The following USO1 variants were observed in gnomAD, a reference collection of about 807,000 sequenced individuals.
USO1 encodes general vesicular transport factor p115.
A neutral mutation model predicts 124.5 loss-of-function variants in USO1; 57 were observed. The ratio of observed to expected loss-of-function variants is 0.46; its 90% CI spans 0.37 to 0.57. USO1 has a LOEUF of 0.57. Ranked by LOEUF, USO1 falls within the 20% of genes least tolerant of loss-of-function variation. The probability of loss-of-function intolerance (pLI) is 0.00; values close to 1 mark genes in which losing one functional copy is unlikely to be tolerated. For synonymous variants in USO1, 369 were observed against 362.8 expected, an observed-to-expected ratio of 1.02 and a Z score of -0.19; for missense variants, 900 against 1,040.6, an observed-to-expected ratio of 0.86 and a Z score of 1.86.
In USO1 at chr4:75,793,888, A is replaced by G. The variant is rs376879616; in HGVS notation, c.1439A>G (p.Asn480Ser). 30 of 1,613,966 alleles carry G rather than the reference A, an allele frequency of 1.9e-5. No individual in the cohort carries two copies. Among genetic ancestry groups the G allele is most frequent in the Admixed American group, 1.3e-4 (8 of 60,028 alleles). The change falls in exon 13 of 24, where the codon AAT becomes AGT. Residue 480 changes from asparagine (N) to serine (S), a missense_variant. Around this residue, in one of 2 missense-constraint regions of USO1, gnomAD observed 538 missense variants for 681.6 expected, o/e 0.79. Transcript: ENST00000514213. Reference protein sequence around the residue: ...PPVSLLQQCTNILSQGSKIQT... With the variant: ...PPVSLLQQCTSILSQGSKIQT... Reference sequence around the variant, plus strand: ...GTTTCTTTACTTCAACAGTGCACCAATATTCTTTCACAGGTAAAGTTTTGC... The same window carrying G: ...GTTTCTTTACTTCAACAGTGCACCAGTATTCTTTCACAGGTAAAGTTTTGC...
chr4:75,810,622 G>T, intron 22 of USO1, 83 bp downstream of exon 22: 1 of 1,376,674 alleles, frequency 7.3e-7, no homozygotes, highest in Non-Finnish European at 9.6e-7. Context: ...CAAATTCTTA[G>T]ATTTATGAAG....
At position 75,774,788 on chromosome 4, in the gene USO1, G is replaced by A; in HGVS notation, c.668G>A (p.Ser223Asn). The change falls in exon 8 of 24, where the codon AGT (serine) becomes AAT (asparagine). Residue 223 changes from serine (S) to asparagine (N), a missense_variant. Transcript: ENST00000514213. ...GACATTATTTCAGAGGAGGGGAACA[G>A]TGATGGAGGTATAGTATGAAGAAAT... ...LLDIISEEGN[S>N]DGGIVVEDCL... is the part of the protein sequence containing the mutation. The A allele has an allele frequency of 6.2e-7, 1 of 1,613,452 alleles. No homozygotes were observed. The highest frequency in any genetic ancestry group is 8.5e-7 in the Non-Finnish European group (1 of 1,179,620).
chr4:75,724,789 G>A lies in USO1; in HGVS notation c.-31G>A. ...AAGTTGTCTTCTTTTTTTTCCGGAG[G>A]GGCCGGTAAACCTGGTGGCTGAACG... On this transcript the variant is annotated 5_prime_UTR_variant, in exon 1 of 24. Transcript: ENST00000514213. 6.2e-7 allele frequency: 1 copy of A among 1,612,326 alleles called. No individual in the cohort carries two copies. The highest frequency in any genetic ancestry group is 8.5e-7 in the Non-Finnish European group (1 of 1,178,972).
intron 1 of USO1, among the ~76,000 whole-genome samples, chr4:75,733,502 A>G (rs536003831): frequency 3.7e-4 from 57 of 152,230 alleles, no homozygotes; most frequent in Non-Finnish European, 7.5e-4. Context: ...TTGTCTTTTT[A>G]ATAATAGTCA....
intron 4 of USO1, among the ~76,000 whole-genome samples, chr4:75,768,495 C>T (rs560722145): frequency 1.3e-5 from 2 of 152,358 alleles, no homozygotes; most frequent in Non-Finnish European, 2.9e-5. Context: ...TTTTATCCTG[C>T]AACTTTCTAA....
At chr4:75,763,557 A>T (rs1309692860) in intron 4 of USO1, among the ~76,000 whole-genome samples, 3 of 152,162 alleles carry the variant, frequency 2.0e-5, no homozygotes, top group African/African-American at 7.2e-5. Flanking sequence ...ACCCCATTGT[A>T]AATTGAGGAG....
At chr4:75,729,087 C>T (rs947494074) in intron 1 of USO1, among the ~76,000 whole-genome samples, 1 of 152,136 alleles carries the variant, frequency 6.6e-6, no homozygotes, top group East Asian at 1.9e-4. Flanking sequence ...TGAGCCACGG[C>T]ACCTGGCCCC....
At chr4:75,751,266 C>T (rs1281930883) in intron 1 of USO1, among the ~76,000 whole-genome samples, 1 of 150,552 alleles carries the variant, frequency 6.6e-6, no homozygotes, top group Non-Finnish European at 1.5e-5. Flanking sequence ...GGCTGGAGTG[C>T]AGTGGTGCAA....
intron 1 of USO1, among the ~76,000 whole-genome samples, chr4:75,727,358 G>A (rs539445125): frequency 6.6e-6 from 1 of 152,246 alleles, no homozygotes; most frequent in South Asian, 2.1e-4. Flanking sequence ...TAAACTGAAA[G>A]GGTCCTTTCT....
intron 4 of USO1, 95 bp downstream of exon 4, chr4:75,757,668 A>G: frequency 8.5e-7 from 1 of 1,172,700 alleles, no homozygotes; most frequent in Non-Finnish European, 1.1e-6. Flanking sequence ...TGTTTTATAA[A>G]TGTATAAGTT....
At chr4:75,794,988 T>G (rs1157463839) in intron 13 of USO1, among the ~76,000 whole-genome samples, 1 of 152,204 alleles carries the variant, frequency 6.6e-6, no homozygotes, top group Admixed American at 6.5e-5. Flanking sequence ...AGTTTTATTT[T>G]AAAGCCAAAC....
In USO1 at chr4:75,770,865, C is replaced by G; in HGVS notation, c.440C>G (p.Thr147Ser). 8 of 1,613,746 alleles carry G rather than the reference C, an allele frequency of 5.0e-6. No individual in the cohort carries two copies. The highest frequency in any genetic ancestry group is 6.8e-6 in the Non-Finnish European group (8 of 1,179,772). ...CGCTGGCCTGGTGTGAAGCTTCTTA[C>G]TTCTCTTTTAAAACAACTAGGGCCT... ...HVRWPGVKLLTSLLKQLGPQV... is the reference protein window; with the variant it reads ...HVRWPGVKLLSSLLKQLGPQV... The change falls in exon 6 of 24, where the codon ACT becomes AGT. Residue 147 changes from threonine (T) to serine (S), a missense_variant. By Grantham distance (58) the Thr-to-Ser change is moderately conservative. Around this residue, in one of 2 missense-constraint regions of USO1, gnomAD observed 538 missense variants for 681.6 expected, o/e 0.79. Coordinates refer to ENST00000514213, the MANE Select transcript of USO1 (RefSeq NM_003715.4).
chr4:75,732,008 AT>A (rs1489203037), intron 1 of USO1, among the ~76,000 whole-genome samples: 1 of 152,156 alleles, frequency 6.6e-6, no homozygotes, highest in African/African-American at 2.4e-5. Context: ...TCTAAACAAT[AT>A]TTTTTCCCCA....
At chr4:75,734,674 G>T (rs923108974) in intron 1 of USO1, among the ~76,000 whole-genome samples, 1 of 137,108 alleles carries the variant, frequency 7.3e-6, no homozygotes, top group Non-Finnish European at 1.5e-5. Flanking sequence ...TTGGTAGTTT[G>T]ATAGGAATAG....
Position 75,810,098 on chromosome 4 carries a change from A to G in USO1, c.2476-334A>G, listed in dbSNP as rs530254681. Among the ~76,000 whole-genome samples the G allele has an allele frequency of 7.2e-5, 11 of 152,342 alleles. No homozygotes were observed. The East Asian group carries it at 1.7e-3, about 24-fold the overall frequency. ...GGTAGTATGGACTTATAGGAAATTTATGAAGGAAAGGCTTTGAAAAATATT... is the reference window on the plus strand; with the variant it reads ...GGTAGTATGGACTTATAGGAAATTTGTGAAGGAAAGGCTTTGAAAAATATT... On this transcript the variant is annotated intron_variant, in intron 21 of 23. Transcript: ENST00000514213.
At chr4:75,736,849 G>T (rs1720807086) in intron 1 of USO1, among the ~76,000 whole-genome samples, 1 of 151,966 alleles carries the variant, frequency 6.6e-6, no homozygotes, top group Non-Finnish European at 1.5e-5. Context: ...ATTCCTTTCT[G>T]GTCCTTCTAA....
intron 1 of USO1, among the ~76,000 whole-genome samples, chr4:75,729,449 C>T (rs1720566836): frequency 6.6e-6 from 1 of 152,080 alleles, no homozygotes; most frequent in African/African-American, 2.4e-5. Flanking sequence ...AAGCAGTTCT[C>T]CTGGCTCAGT....
At chr4:75,791,810 T>A (rs559828807) in intron 12 of USO1, among the ~76,000 whole-genome samples, 197 of 152,050 alleles carry the variant, frequency 1.3e-3, no homozygotes, top group African/African-American at 4.4e-3. Flanking sequence ...CAAAAAAAAA[T>A]TTGGTAAAAA....
In USO1 at chr4:75,795,487, C is replaced by T. The variant is rs144996589; in HGVS notation, c.1452+1586C>T. The T allele has an allele frequency of 1.0e-4, 67 of 643,890 alleles. No homozygotes were observed. In the East Asian group the frequency reaches 1.9e-3, roughly 18 times the overall value. 39.9% of individuals were successfully genotyped at this position (643,890 alleles called of 1,614,324 possible). A position where few individuals can be genotyped will look rare whatever the true frequency, so the allele number is the denominator to read the frequency against. ...ACATTCTACTCACACTTTTGCGTGTCAGCCAATTTATTTCTATTGTAAATG... is the reference window on the plus strand; with the variant it reads ...ACATTCTACTCACACTTTTGCGTGTTAGCCAATTTATTTCTATTGTAAATG... On this transcript the variant is annotated intron_variant, in intron 13 of 23. Coordinates refer to ENST00000514213, the MANE Select transcript of USO1 (RefSeq NM_003715.4).
Sources: gnomAD v4.1 joint callset for allele counts (sites outside exome capture counted in the v4.1 genomes callset) on GRCh38, gnomAD v4.1.1 for gene constraint, gnomAD v4.1.1 regional missense constraint, MANE v1.5 for transcripts, NCBI Gene and HGNC (gene_info 2026-07-23, HGNC 2026-07-21) for gene names.